Variants in ERC2 observed in about 807,000 individuals in gnomAD.
The protein encoded by ERC2 is ERC protein 2.
A neutral mutation model predicts 114.8 loss-of-function variants in ERC2; 42 were observed. The ratio of observed to expected loss-of-function variants is 0.37; its 90% CI spans 0.29 to 0.47. The LOEUF (loss-of-function observed/expected upper bound fraction) is 0.47, where lower values mean the gene tolerates loss of function less well. Ranked by LOEUF, ERC2 falls within the 20% of genes least tolerant of loss-of-function variation. The pLI, the probability that ERC2 is intolerant of heterozygous loss-of-function variation, is 0.99. For missense variants in ERC2, 939 were observed against 1,150.7 expected (o/e 0.82, Z 2.66); for synonymous variants, 454 against 425.5 (o/e 1.07, Z -0.82).
intron 3 of ERC2, among the ~76,000 whole-genome samples, chr3:56,248,851 G>T (rs946315901): frequency 1.3e-5 from 2 of 152,192 alleles, no homozygotes; most frequent in Non-Finnish European, 2.9e-5. Flanking sequence ...ACAACTGTAT[G>T]TATGCAATAC....
At chr3:55,581,300 C>A (rs1370562707) in intron 17 of ERC2, among the ~76,000 whole-genome samples, 2 of 152,080 alleles carry the variant, frequency 1.3e-5, no homozygotes, top group African/African-American at 4.8e-5. Flanking sequence ...CTGAAAATAC[C>A]CATGCAATAA....
intron 3 of ERC2, among the ~76,000 whole-genome samples, chr3:56,211,270 T>A (rs1286719503): frequency 6.6e-6 from 1 of 152,114 alleles, no homozygotes; most frequent in Admixed American, 6.6e-5. Flanking sequence ...ACAAAATCAA[T>A]GTACACAAAT....
intron 5 of ERC2, among the ~76,000 whole-genome samples, chr3:56,141,043 T>A (rs956549916): frequency 6.6e-6 from 1 of 151,984 alleles, no homozygotes; most frequent in Non-Finnish European, 1.5e-5. Context: ...AACAAAAAAA[T>A]GTTTTCCAAA....
intron 17 of ERC2, among the ~76,000 whole-genome samples, chr3:55,608,461 C>A (rs1410505158): frequency 6.6e-6 from 1 of 152,156 alleles, no homozygotes; most frequent in Non-Finnish European, 1.5e-5. Flanking sequence ...GTTCCCACTG[C>A]TCATTAACTT....
At chr3:56,157,707 T>C (rs1321123290) in intron 4 of ERC2, among the ~76,000 whole-genome samples, 2 of 149,118 alleles carry the variant, frequency 1.3e-5, no homozygotes, top group Non-Finnish European at 3.0e-5. Flanking sequence ...CTCCGAAACA[T>C]ACCACAGATC....
At chr3:56,101,371 A>T (rs1468814177) in intron 6 of ERC2, among the ~76,000 whole-genome samples, 1 of 124,730 alleles carries the variant, frequency 8.0e-6, no homozygotes, top group African/African-American at 3.2e-5. Context: ...AAGAGGAAAC[A>T]TCCACATACG....
chr3:56,255,787 C>T (rs922367593), intron 3 of ERC2, among the ~76,000 whole-genome samples: 33 of 152,180 alleles, frequency 2.2e-4, no homozygotes, highest in East Asian at 3.9e-4. Flanking sequence ...TGCTCTCCTG[C>T]CATTTAGGCA....
At chr3:55,645,758 G>C (rs965213995) in intron 17 of ERC2, among the ~76,000 whole-genome samples, 1 of 152,132 alleles carries the variant, frequency 6.6e-6, no homozygotes, top group Non-Finnish European at 1.5e-5. Context: ...ATTAATTCAT[G>C]AATGTTTCAA....
chr3:56,311,230 CT>C, intron 2 of ERC2, among the ~76,000 whole-genome samples: 1 of 29,242 alleles, frequency 3.4e-5, no homozygotes, highest in Admixed American at 4.7e-4. Context: ...TATCCATCAT[CT>C]TCTCTCTCTC....
At chr3:55,851,462 G>A (rs191882900) in intron 14 of ERC2, among the ~76,000 whole-genome samples, 5 of 152,196 alleles carry the variant, frequency 3.3e-5, no homozygotes, top group Admixed American at 6.5e-5. Context: ...GACACACAAC[G>A]CATTCCAAGG....
chr3:55,835,112 C>T (rs1278954851), intron 14 of ERC2, among the ~76,000 whole-genome samples: 4 of 152,022 alleles, frequency 2.6e-5, no homozygotes, highest in Non-Finnish European at 5.9e-5. Flanking sequence ...TAATCAATAG[C>T]TTACCAACAA....
At chr3:56,451,094 G>A (rs1215401202) in intron 1 of ERC2, among the ~76,000 whole-genome samples, 1 of 151,954 alleles carries the variant, frequency 6.6e-6, no homozygotes, top group Non-Finnish European at 1.5e-5. Flanking sequence ...ATGTCAATTG[G>A]CAAAGCTTCA....
chr3:56,337,379 T>C (rs1237218055), intron 2 of ERC2, among the ~76,000 whole-genome samples: 6 of 152,178 alleles, frequency 3.9e-5, no homozygotes, highest in Non-Finnish European at 7.3e-5. Flanking sequence ...TCAAAGAGAT[T>C]GGACCCAGGC....
At chr3:55,952,986 G>A (rs1385973608) in intron 12 of ERC2, among the ~76,000 whole-genome samples, 2 of 152,122 alleles carry the variant, frequency 1.3e-5, no homozygotes, top group Non-Finnish European at 2.9e-5. Context: ...GAGGTCGGGA[G>A]ATCGAGACCA....
At chr3:55,683,679 A>G (rs2062173833) in intron 17 of ERC2, 115 bp downstream of exon 17, 2 of 865,656 alleles carry the variant, frequency 2.3e-6, no homozygotes, top group Non-Finnish European at 3.6e-6. Flanking sequence ...CACAGAACAC[A>G]GTAGCAAACA....
intron 4 of ERC2, among the ~76,000 whole-genome samples, chr3:56,161,217 C>T (rs2082031496): frequency 6.6e-6 from 1 of 152,144 alleles, no homozygotes; most frequent in Non-Finnish European, 1.5e-5. Flanking sequence ...TGACTGTAAG[C>T]TTCCTGAGGC....
chr3:56,085,200 C>T (rs2077441292), intron 6 of ERC2, among the ~76,000 whole-genome samples: 1 of 152,188 alleles, frequency 6.6e-6, no homozygotes, highest in African/African-American at 2.4e-5. Context: ...CCTTTTCTTG[C>T]TCCTTGCCAA....
intron 14 of ERC2, among the ~76,000 whole-genome samples, chr3:55,755,820 C>T (rs1181237210): frequency 2.0e-5 from 3 of 152,138 alleles, no homozygotes; most frequent in Non-Finnish European, 4.4e-5. Flanking sequence ...AAACGTACAT[C>T]GAACGTTCGC....
rs140777326 is a variant in ERC2 at position 55,685,327 on chromosome 3, T to C, written c.2848-1468A>G. Among the ~76,000 whole-genome samples the C allele has an allele frequency of 1.8e-3, 279 of 152,308 alleles. 2 individuals are homozygous for C. Among genetic ancestry groups the C allele is most frequent in the African/African-American group, 6.5e-3 (270 of 41,580 alleles). ...ATGAATTTTCACTTGACAGCTTAGG[T>C]AGGAATATTCTGGCAAACAATAAAA... On this transcript the variant is annotated intron_variant, in intron 16 of 17. Transcript: ENST00000288221.
Sources: allele counts gnomAD v4.1 joint callset (sites outside exome capture counted in the v4.1 genomes callset), GRCh38; gene constraint gnomAD v4.1.1; transcripts MANE v1.5; gene names NCBI Gene and HGNC (gene_info 2026-07-23, HGNC 2026-07-21).